The following SCN9A variants were observed in gnomAD, a reference collection of about 807,000 sequenced individuals.
SCN9A encodes the protein sodium voltage-gated channel alpha subunit 9, also known as sodium channel protein type 9 subunit alpha.
Under a neutral mutation model 187.0 loss-of-function variants are expected in SCN9A, and 131 were observed. That is an observed-to-expected ratio of 0.70 (90% CI 0.61 to 0.81). The LOEUF (loss-of-function observed/expected upper bound fraction) is 0.81, where lower values mean the gene tolerates loss of function less well. Ranked by LOEUF, SCN9A falls within the 30% of genes least tolerant of loss-of-function variation. The pLI, the probability that SCN9A is intolerant of heterozygous loss-of-function variation, is 0.00. For synonymous variants in SCN9A, 809 were observed against 808.6 expected (o/e 1.00, Z -0.01); for missense variants, 2,252 against 2,396.6 (o/e 0.94, Z 1.26).
intron 1 of SCN9A, among the ~76,000 whole-genome samples, chr2:166,321,288 G>C (rs1272361956): frequency 6.6e-6 from 1 of 152,148 alleles, no homozygotes; most frequent in Non-Finnish European, 1.5e-5. Flanking sequence ...CGGAGGCCAA[G>C]GCGGGTGAAT....
At chr2:166,227,620 C>T (rs766733594) in intron 23 of SCN9A, 50 bp downstream of exon 23, 1 of 1,071,798 alleles carries the variant, frequency 9.3e-7, no homozygotes, top group South Asian at 1.3e-5. Context: ...CTGAAATAAA[C>T]TAAGAAGCTT....
intron 10 of SCN9A, 133 bp from the exon 11 acceptor site, chr2:166,286,756 G>A (rs1253637042): frequency 1.5e-5 from 9 of 612,220 alleles, no homozygotes; most frequent in African/African-American, 5.7e-5. Context: ...TGAAATGATC[G>A]TTTTCTTTAC....
chr2:166,209,454 T>G (rs1693972485), intron 24 of SCN9A, among the ~76,000 whole-genome samples: 1 of 151,648 alleles, frequency 6.6e-6, no homozygotes, highest in Non-Finnish European at 1.5e-5. Flanking sequence ...ATGAACACAA[T>G]GAGGATATCA....
At chr2:166,371,505 G>A (rs917547832) in intron 1 of SCN9A, among the ~76,000 whole-genome samples, 3 of 152,178 alleles carry the variant, frequency 2.0e-5, no homozygotes, top group Non-Finnish European at 4.4e-5. Flanking sequence ...GAAAGGGTAA[G>A]TGATACCTTC....
At chr2:166,276,613 C>A in intron 16 of SCN9A, 1 of 162,140 alleles carries the variant, frequency 6.2e-6, no homozygotes, top group Non-Finnish European at 1.3e-5. Flanking sequence ...CGGGACCAGT[C>A]CTTTCATTTG....
chr2:166,211,114 A>C, intron 24 of SCN9A, among the ~76,000 whole-genome samples: 1 of 152,148 alleles, frequency 6.6e-6, no homozygotes, highest in East Asian at 1.9e-4. Context: ...TCAAATTGCC[A>C]AAAGTGAAAG....
chr2:166,205,987 T>A (rs1024483758), intron 24 of SCN9A, among the ~76,000 whole-genome samples: 1 of 152,104 alleles, frequency 6.6e-6, no homozygotes, highest in African/African-American at 2.4e-5. Context: ...CCAATTAGAA[T>A]GGCAATCACT....
At chr2:166,314,888 A>G (rs1386850134) in intron 1 of SCN9A, among the ~76,000 whole-genome samples, 1 of 152,182 alleles carries the variant, frequency 6.6e-6, no homozygotes, top group African/African-American at 2.4e-5. Flanking sequence ...AAACTACATA[A>G]TGATGATTGT....
At chr2:166,332,557 T>C (rs1699530400) in intron 1 of SCN9A, among the ~76,000 whole-genome samples, 1 of 152,188 alleles carries the variant, frequency 6.6e-6, no homozygotes, top group African/African-American at 2.4e-5. Flanking sequence ...TCAGAAGTAG[T>C]GATTTAAAAG....
Position 166,329,469 on chromosome 2 carries a change from G to A in SCN9A, c.-50-17663C>T, listed in dbSNP as rs564310081. On this transcript the variant is annotated intron_variant, in intron 1 of 26. Coordinates refer to ENST00000642356, the MANE Select transcript of SCN9A (RefSeq NM_001365536.1). ...TTAAGGTATACAACATGATGCTATT[G>A]GATACATGTAGATAGTAAAAAAAAG... is the stretch of plus-strand genomic sequence containing the variant. 7.9e-4 allele frequency among the ~76,000 whole-genome samples: 120 copies of A among 151,674 alleles called. 1 individual carries two copies. The highest frequency in any genetic ancestry group is 2.8e-3 in the African/African-American group (114 of 41,310).
At chr2:166,313,826 A>G (rs1699039051) in intron 1 of SCN9A, among the ~76,000 whole-genome samples, 1 of 152,212 alleles carries the variant, frequency 6.6e-6, no homozygotes, top group African/African-American at 2.4e-5. Context: ...CTTCCTCACT[A>G]AGCTTAATCA....
chr2:166,292,013 A>G (rs927183792), intron 9 of SCN9A, among the ~76,000 whole-genome samples: 2 of 152,202 alleles, frequency 1.3e-5, no homozygotes, highest in African/African-American at 2.4e-5. Flanking sequence ...AGGCATGGGC[A>G]AAGACTTCAT....
rs924785687 is a variant in SCN9A, at chr2:166,226,688, T to G, written c.4277A>C (p.Lys1426Thr). The change falls in exon 24 of 27, where the codon AAA (lysine) becomes ACA (threonine). Residue 1426 changes from lysine to threonine, a missense_variant. Physicochemically the swap from Lys to Thr is moderately conservative, Grantham distance 78. This residue lies in a region of SCN9A where 368 missense variants were observed against 408.6 expected (regional missense o/e 0.90). Transcript: ENST00000642356. ...VDSVNVDKQP[K>T]YEYSLYMYIY... ...ATACATGTAGAGGCTATATTCATAT[T>G]TGGGCTGCTTGTCTACCTATAAAAT... The G allele has an allele frequency of 1.0e-5, 16 of 1,568,392 alleles. No individual in the cohort carries two copies. Among genetic ancestry groups the G allele is most frequent in the Non-Finnish European group, 1.2e-5 (14 of 1,160,810 alleles).
chr2:166,274,085 A>G (rs1363309746), intron 16 of SCN9A, among the ~76,000 whole-genome samples: 1 of 152,136 alleles, frequency 6.6e-6, no homozygotes. Context: ...TTTAATAGGA[A>G]TATTGGTGAA....
chr2:166,302,991 C>G (rs1005175315), intron 7 of SCN9A, 99 bp downstream of exon 7: 9 of 966,474 alleles, frequency 9.3e-6, no homozygotes, highest in Non-Finnish European at 1.4e-5. Flanking sequence ...ATTTGAATAG[C>G]TTTGAAATGA....
At chr2:166,217,823 C>A (rs1034097036) in intron 24 of SCN9A, among the ~76,000 whole-genome samples, 1 of 151,972 alleles carries the variant, frequency 6.6e-6, no homozygotes, top group Non-Finnish European at 1.5e-5. Flanking sequence ...AAAACAAATA[C>A]AATTACCATA....
At position 166,233,409 on chromosome 2, in the gene SCN9A, G is replaced by A. The variant is rs771407382; in HGVS notation, c.3855C>T (p.Pro1285=). Residue 1285 remains proline (P), a synonymous_variant, in exon 21 of 27, where the codon CCC becomes CCT. Coordinates refer to ENST00000642356, the MANE Select transcript of SCN9A (RefSeq NM_001365536.1). ...ANTLGYSDLG[P]IKSLRTLRAL... is the part of the protein sequence containing the mutation. ...CTCTCAGTGTCCGAAGGGATTTAATGGGGCCAAGATCTGAGTAGCCAAGAG... is the reference window on the plus strand; with the variant it reads ...CTCTCAGTGTCCGAAGGGATTTAATAGGGCCAAGATCTGAGTAGCCAAGAG... 3 of 1,582,524 alleles carry A rather than the reference G, an allele frequency of 1.9e-6. No homozygotes were observed. The highest frequency in any genetic ancestry group is 4.7e-5 in the East Asian group (2 of 42,642).
chr2:166,358,800 C>G (rs1464748467), intron 1 of SCN9A, among the ~76,000 whole-genome samples: 15 of 152,094 alleles, frequency 9.9e-5, no homozygotes, highest in Non-Finnish European at 5.9e-5. Flanking sequence ...TCCCTCAAAC[C>G]TTGTAATGAC....
intron 19 of SCN9A, among the ~76,000 whole-genome samples, chr2:166,239,400 G>A (rs914153343): frequency 6.6e-6 from 1 of 152,124 alleles, no homozygotes; most frequent in South Asian, 2.1e-4. Flanking sequence ...CCTGTCTACA[G>A]TCATGAACTT....
Sources: gnomAD v4.1 joint callset for allele counts (sites outside exome capture counted in the v4.1 genomes callset) on GRCh38, gnomAD v4.1.1 for gene constraint, gnomAD v4.1.1 regional missense constraint, MANE v1.5 for transcripts, NCBI Gene and HGNC (gene_info 2026-07-23, HGNC 2026-07-21) for gene names.